The following HS6ST3 variants were observed in gnomAD, a reference collection of about 807,000 sequenced individuals.
HS6ST3 encodes heparan-sulfate 6-O-sulfotransferase 3.
HS6ST3 carries 12 observed loss-of-function variants against 36.7 expected under a neutral mutation model. The ratio of observed to expected loss-of-function variants is 0.33; its 90% CI spans 0.21 to 0.53. HS6ST3 has a LOEUF of 0.53. Among genes scored for constraint, HS6ST3 ranks in the 20% least tolerant of loss-of-function variants. The pLI is 0.95. For missense variants in HS6ST3, 584 were observed against 640.9 expected (o/e 0.91, Z 0.96); for synonymous variants, 240 against 257.5 (o/e 0.93, Z 0.65).
At chr13:96,754,636 AGTTTTTAATTC>A (rs1319070829) in intron 1 of HS6ST3, among the ~76,000 whole-genome samples, 1 of 152,180 alleles carries the variant, frequency 6.6e-6, no homozygotes, top group Non-Finnish European at 1.5e-5. Flanking sequence ...CTAGGTTGAG[AGTTTTTAATTC>A]TCAGCACATT....
At chr13:96,452,092 C>T (rs150502169) in intron 1 of HS6ST3, among the ~76,000 whole-genome samples, 1 of 152,300 alleles carries the variant, frequency 6.6e-6, no homozygotes, top group East Asian at 1.9e-4. Context: ...TTTCACATTG[C>T]AATGAACATA....
In HS6ST3 at chr13:96,628,384, C is replaced by T. The variant is rs543202737; in HGVS notation, c.708-204106C>T. Among the ~76,000 whole-genome samples the T allele has an allele frequency of 7.9e-5, 12 of 151,526 alleles. No homozygotes were observed. In the East Asian group the frequency reaches 2.1e-3, roughly 27 times the overall value. On this transcript the variant is annotated intron_variant, in intron 1 of 1. Coordinates refer to ENST00000376705, the MANE Select transcript of HS6ST3 (RefSeq NM_153456.4). The stretch of plus-strand genomic sequence containing the variant: ...TTATGGAGTATGGCCTACGTGATAC[C>T]AATCTTTTGAAATATATTGAGACTT...
chr13:96,219,769 C>T (rs574923795), intron 1 of HS6ST3, among the ~76,000 whole-genome samples: 7 of 152,208 alleles, frequency 4.6e-5, no homozygotes, highest in Middle Eastern at 3.4e-3. Flanking sequence ...CTGCAACCTC[C>T]GCTTCCGGGG....
intron 1 of HS6ST3, among the ~76,000 whole-genome samples, chr13:96,535,848 A>C (rs1050875691): frequency 6.6e-6 from 1 of 152,154 alleles, no homozygotes; most frequent in African/African-American, 2.4e-5. Context: ...TGAGAAGCAA[A>C]GTCCCTTTCC....
At chr13:96,226,872 T>C (rs1226208386) in intron 1 of HS6ST3, among the ~76,000 whole-genome samples, 1 of 152,236 alleles carries the variant, frequency 6.6e-6, no homozygotes, top group East Asian at 1.9e-4. Context: ...ATGGTTATTA[T>C]TGATGAGAGC....
chr13:96,512,268 A>T (rs1159025190), intron 1 of HS6ST3, among the ~76,000 whole-genome samples: 1 of 152,170 alleles, frequency 6.6e-6, no homozygotes, highest in Non-Finnish European at 1.5e-5. Flanking sequence ...CACCAGTACC[A>T]TATTGTATTT....
In HS6ST3 at chr13:96,658,730, A is replaced by T. The variant is rs988724449; in HGVS notation, c.708-173760A>T. Among the ~76,000 whole-genome samples, 3 of 148,572 alleles carry T rather than the reference A, an allele frequency of 2.0e-5. No homozygotes were observed. In the South Asian group the frequency reaches 6.4e-4, roughly 32 times the overall value. Reference sequence around the variant, plus strand: ...TTTTTTATTTTTATTTTTGAGATGGAGTTTCACTTTTGTTGCCCAGGCTGG... The same window carrying T: ...TTTTTTATTTTTATTTTTGAGATGGTGTTTCACTTTTGTTGCCCAGGCTGG... On this transcript the variant is annotated intron_variant, in intron 1 of 1. Coordinates refer to ENST00000376705, the MANE Select transcript of HS6ST3 (RefSeq NM_153456.4).
At chr13:96,396,938 C>A (rs570517975) in intron 1 of HS6ST3, among the ~76,000 whole-genome samples, 1 of 152,312 alleles carries the variant, frequency 6.6e-6, no homozygotes, top group African/African-American at 2.4e-5. Context: ...TGTGGTGGCA[C>A]ACGCCTGTAA....
chr13:96,195,640 A>G (rs2054308608), intron 1 of HS6ST3, among the ~76,000 whole-genome samples: 1 of 152,138 alleles, frequency 6.6e-6, no homozygotes, highest in Non-Finnish European at 1.5e-5. Context: ...GATGGGAGTG[A>G]GCTCTTCAGC....
chr13:96,313,717 C>T (rs1196810188), intron 1 of HS6ST3, among the ~76,000 whole-genome samples: 1 of 152,164 alleles, frequency 6.6e-6, no homozygotes, highest in African/African-American at 2.4e-5. Flanking sequence ...TAGCTTAAGT[C>T]ACTGAAATAG....
intron 1 of HS6ST3, among the ~76,000 whole-genome samples, chr13:96,766,684 T>G (rs985887045): frequency 6.6e-6 from 1 of 152,172 alleles, no homozygotes; most frequent in Non-Finnish European, 1.5e-5. Context: ...TGAGGCAACC[T>G]TGCACCAGCT....
intron 1 of HS6ST3, among the ~76,000 whole-genome samples, chr13:96,673,588 C>A (rs1467496020): frequency 6.6e-6 from 1 of 151,922 alleles, no homozygotes; most frequent in East Asian, 1.9e-4. Flanking sequence ...TATATTTTCC[C>A]TGTTCTCTTT....
intron 1 of HS6ST3, among the ~76,000 whole-genome samples, chr13:96,573,066 C>T (rs2056306807): frequency 6.6e-6 from 1 of 152,154 alleles, no homozygotes; most frequent in South Asian, 2.1e-4. Flanking sequence ...GAGAAAAGAA[C>T]TTAGACTAAG....
intron 1 of HS6ST3, among the ~76,000 whole-genome samples, chr13:96,299,205 T>G (rs1359287452): frequency 6.6e-6 from 1 of 152,148 alleles, no homozygotes; most frequent in Non-Finnish European, 1.5e-5. Flanking sequence ...AGTAACCAAA[T>G]AAAGCAACAA....
At chr13:96,255,554 G>T (rs191115149) in intron 1 of HS6ST3, among the ~76,000 whole-genome samples, 63 of 152,218 alleles carry the variant, frequency 4.1e-4, no homozygotes, top group African/African-American at 1.5e-3. Flanking sequence ...CAACTTCACA[G>T]AATTTTAGAA....
chr13:96,791,398 T>C (rs1023749601), intron 1 of HS6ST3, among the ~76,000 whole-genome samples: 7 of 151,998 alleles, frequency 4.6e-5, no homozygotes, highest in African/African-American at 9.7e-5. Flanking sequence ...TCCATCTTCC[T>C]GTCTTGTGGC....
intron 1 of HS6ST3, among the ~76,000 whole-genome samples, chr13:96,240,037 G>A (rs1456474958): frequency 6.6e-6 from 1 of 152,166 alleles, no homozygotes; most frequent in Non-Finnish European, 1.5e-5. Flanking sequence ...AAGTGATAAT[G>A]GAGAGTTGTG....
intron 1 of HS6ST3, among the ~76,000 whole-genome samples, chr13:96,160,833 G>C (rs1398696456): frequency 6.6e-6 from 1 of 152,196 alleles, no homozygotes; most frequent in Admixed American, 6.5e-5. Context: ...AGTGAAAGAC[G>C]CTTGCAGGCA....
intron 1 of HS6ST3, among the ~76,000 whole-genome samples, chr13:96,652,266 T>G (rs1287941812): frequency 6.6e-6 from 1 of 152,092 alleles, no homozygotes; most frequent in Non-Finnish European, 1.5e-5. Context: ...GTGTGCATAC[T>G]AGTGTATACA....
Sources: gnomAD v4.1 joint callset for allele counts (sites outside exome capture counted in the v4.1 genomes callset) on GRCh38, gnomAD v4.1.1 for gene constraint, MANE v1.5 for transcripts, NCBI Gene and HGNC (gene_info 2026-07-23, HGNC 2026-07-21) for gene names.